SUPT16H: variants seen among roughly 807,000 people sequenced by gnomAD.
SUPT16H encodes the protein SPT16 homolog, facilitates chromatin remodeling subunit.
A neutral mutation model predicts 136.2 loss-of-function variants in SUPT16H; 24 were observed. The observed-to-expected ratio is 0.18, with a 90% confidence interval of 0.13 to 0.25. The LOEUF (loss-of-function observed/expected upper bound fraction) is 0.25, where lower values mean the gene tolerates loss of function less well. Ranked by LOEUF, SUPT16H falls within the 10% of genes least tolerant of loss-of-function variation. The pLI is 1.00. For synonymous variants in SUPT16H, 415 were observed against 428.2 expected, an observed-to-expected ratio of 0.97 and a Z score of 0.38; for missense variants, 623 against 1,270.2, an observed-to-expected ratio of 0.49 and a Z score of 7.74.
chr14:21,364,735 C>T (rs1015308445), intron 10 of SUPT16H, 92 bp downstream of exon 10: 4 of 1,065,384 alleles, frequency 3.8e-6, no homozygotes, highest in Non-Finnish European at 5.7e-6. Flanking sequence ...CCTTAGCTAG[C>T]ATTTAACAAA....
In SUPT16H at chr14:21,360,985, A is replaced by C. The variant is rs1157882994; in HGVS notation, c.1930-13T>G. 3.1e-6 allele frequency: 5 copies of C among 1,612,136 alleles called. No homozygotes were observed. Among genetic ancestry groups the C allele is most frequent in the Non-Finnish European group, 4.2e-6 (5 of 1,179,110 alleles). On this transcript the variant is annotated splice_polypyrimidine_tract_variant and intron_variant, in intron 16 of 25. Coordinates refer to ENST00000216297, the MANE Select transcript of SUPT16H (RefSeq NM_007192.4). ...GTTTTACAATCCCCTAAGCAAGAAGAAAATTAATGTGAATTGTCACATATC... is the reference window on the plus strand; with the variant it reads ...GTTTTACAATCCCCTAAGCAAGAAGCAAATTAATGTGAATTGTCACATATC...
chr14:21,369,532 T>C (rs1437659160), intron 5 of SUPT16H, 177 bp from the exon 6 acceptor site: 1 of 954,218 alleles, frequency 1.0e-6, no homozygotes, highest in Non-Finnish European at 1.5e-6. Flanking sequence ...ATGTAGGACT[T>C]ACAGCTATTC....
At position 21,353,857 on chromosome 14, in the gene SUPT16H, A is replaced by ATT. The variant is rs200648907; in HGVS notation, c.2791-27_2791-26dup. On this transcript the variant is annotated intron_variant, in intron 23 of 25. Coordinates refer to ENST00000216297, the MANE Select transcript of SUPT16H (RefSeq NM_007192.4). ...CCTGGTGAGTTAGAGCATAATACTG[A>ATT]TTTTTTTTTGACATTTACCTTATTA... is the stretch of plus-strand genomic sequence containing the variant. 3.2e-6 allele frequency: 5 copies of ATT among 1,581,234 alleles called. No individual in the cohort carries two copies. The African/African-American group carries it at 4.1e-5, about 13-fold the overall frequency.
chr14:21,352,683 T>C lies in SUPT16H; in HGVS notation c.3134A>G (p.Lys1045Arg), dbSNP rs200233088. The change falls in exon 26 of 26, where the codon AAG becomes AGG. Residue 1045 changes from lysine (K) to arginine (R), a missense_variant. Transcript: ENST00000216297. ...GCCAAAGTTCAGAAGTTACTTCCTC[T>C]TTTTCTTGGGGGGTGCAGAGCTGTG... ...SRHSSAPPKK[K>R]RK The C allele has an allele frequency of 3.7e-6, 6 of 1,613,940 alleles. No homozygotes were observed. In the African/African-American group the frequency reaches 8.0e-5, roughly 22 times the overall value.
chr14:21,357,804 CAA>C, intron 21 of SUPT16H, 121 bp downstream of exon 21: 4 of 977,160 alleles, frequency 4.1e-6, no homozygotes, highest in Non-Finnish European at 6.1e-6. Flanking sequence ...AACATTTGTT[CAA>C]TGAGTTTTAA....
chr14:21,369,867 G>T lies in SUPT16H; in HGVS notation c.513C>A (p.Thr171=), dbSNP rs754207727. 6 of 1,614,004 alleles carry T rather than the reference G, an allele frequency of 3.7e-6. No homozygotes were observed. The highest frequency in any genetic ancestry group is 5.1e-6 in the Non-Finnish European group (6 of 1,180,016). The change falls in exon 5 of 26, where the codon ACC becomes ACA. Residue 171 remains threonine, a synonymous_variant. Transcript: ENST00000216297. ...KIDISAVVAY[T]IAVKEDGELN... ...GCTCCCCATCCTCCTTTACAGCGAT[G>T]GTATATGCCACAACTGCACTGATAT...
In SUPT16H at chr14:21,361,225, C is replaced by A; in HGVS notation, c.1794-12G>T. 1 of 1,610,888 alleles carries A rather than the reference C, an allele frequency of 6.2e-7. No homozygotes were observed. Among genetic ancestry groups the A allele is most frequent in the Non-Finnish European group, 8.5e-7 (1 of 1,178,668 alleles). Reference sequence around the variant, plus strand: ...ATGCTCGGTATGTACTGCAGAAAAGCAACAGCATTTATAGACATTTCTTTT... The same window carrying A: ...ATGCTCGGTATGTACTGCAGAAAAGAAACAGCATTTATAGACATTTCTTTT... On this transcript the variant is annotated splice_polypyrimidine_tract_variant and intron_variant, in intron 15 of 25. Coordinates refer to ENST00000216297, the MANE Select transcript of SUPT16H (RefSeq NM_007192.4).
rs772319837 is a variant in SUPT16H at position 21,360,829 on chromosome 14, G to A, written c.2056+17C>T. 6.2e-7 allele frequency: 1 copy of A among 1,611,486 alleles called. No individual in the cohort carries two copies. The highest frequency in any genetic ancestry group is 1.1e-5 in the South Asian group (1 of 90,544). On this transcript the variant is annotated intron_variant, in intron 17 of 25. Coordinates refer to ENST00000216297, the MANE Select transcript of SUPT16H (RefSeq NM_007192.4). The stretch of plus-strand genomic sequence containing the variant: ...GCCCTGAAGAGAAAGCCTAGGTACA[G>A]GAGAGATCATCCATACCATTGACAT...
Position 21,362,331 on chromosome 14 carries a change from A to C in SUPT16H, c.1666-7T>G. 6.2e-7 allele frequency: 1 copy of C among 1,606,178 alleles called. No homozygotes were observed. Among genetic ancestry groups the C allele is most frequent in the Non-Finnish European group, 8.5e-7 (1 of 1,177,468 alleles). On this transcript the variant is annotated splice_region_variant and splice_polypyrimidine_tract_variant and intron_variant, in intron 14 of 25. Transcript: ENST00000216297. The stretch of plus-strand genomic sequence containing the variant: ...CCACGGACATACTTATATTCTGTTC[A>C]AAGGAAAAGCATAAAAAGTAAACAG...
rs1183653965 is a variant in SUPT16H at position 21,373,420 on chromosome 14, T to A, written c.77A>T (p.Asp26Val). 1 of 1,613,726 alleles carries A rather than the reference T, an allele frequency of 6.2e-7. No homozygotes were observed. Among genetic ancestry groups the A allele is most frequent in the Non-Finnish European group, 8.5e-7 (1 of 1,179,596 alleles). The change falls in exon 2 of 26, where the codon GAT (aspartate) becomes GTT (valine). Residue 26 changes from aspartate (D) to valine (V), a missense_variant. Around this residue, in one of 7 missense-constraint regions of SUPT16H, gnomAD observed 343 missense variants for 525.7 expected, o/e 0.65. Transcript: ENST00000216297. Reference sequence around the variant, plus strand: ...AATGGCATCAACGTTGGCATACTCATCTTCTCCTTTCTGAAAAGAGTGGGT... The same window carrying A: ...AATGGCATCAACGTTGGCATACTCAACTTCTCCTTTCTGAAAAGAGTGGGT... ...RLYSNWRKGE[D>V]EYANVDAIVV...
At chr14:21,359,218 C>A (rs1212046986) in intron 19 of SUPT16H, among the ~76,000 whole-genome samples, 1 of 152,192 alleles carries the variant, frequency 6.6e-6, no homozygotes, top group African/African-American at 2.4e-5. Context: ...CTGCCTTAGC[C>A]TCCCGACTAG....
At chr14:21,369,693 G>A (rs543930245) in intron 5 of SUPT16H, 57 bp downstream of exon 5, 61 of 1,599,368 alleles carry the variant, frequency 3.8e-5, no homozygotes, top group Non-Finnish European at 5.2e-5. Flanking sequence ...AGATTTGCAT[G>A]GTAGACTTAT....
At chr14:21,366,326 T>A (rs1309534382) in intron 8 of SUPT16H, 113 bp downstream of exon 8, 2 of 948,166 alleles carry the variant, frequency 2.1e-6, no homozygotes, top group Non-Finnish European at 3.3e-6. Flanking sequence ...TAGTATAGTT[T>A]GCTAGTCCAT....
intron 24 of SUPT16H, 55 bp from the exon 25 acceptor site, chr14:21,353,620 A>G (rs1053791370): frequency 3.7e-6 from 6 of 1,605,434 alleles, no homozygotes; most frequent in Non-Finnish European, 5.1e-6. Context: ...ATGGAACGAC[A>G]GAGTTCTTAG....
chr14:21,372,638 C>T, intron 2 of SUPT16H: 1 of 435,326 alleles, frequency 2.3e-6, no homozygotes. Context: ...GTTCTAGAAG[C>T]CATTCTGTAC....
chr14:21,370,404 T>C lies in SUPT16H; in HGVS notation c.415A>G (p.Lys139Glu). 1 of 1,613,938 alleles carries C rather than the reference T, an allele frequency of 6.2e-7. No homozygotes were observed. Among genetic ancestry groups the C allele is most frequent in the South Asian group, 1.1e-5 (1 of 91,074 alleles). Residue 139 changes from lysine to glutamate, a missense_variant, in exon 4 of 26, where the codon AAA (lysine) becomes GAA (glutamate). Lys to Glu is a moderately conservative substitution (Grantham distance 56). Transcript: ENST00000216297. ...KNGKKIGVFS[K>E]DKFPGEFMKS... ...ATGAACTCTCCAGGGAATTTGTCTT[T>C]GCTGAACACTCCAATCTTCTTGCCA...
chr14:21,369,138 G>T, intron 6 of SUPT16H, 66 bp downstream of exon 6: 1 of 1,554,910 alleles, frequency 6.4e-7, no homozygotes, highest in Non-Finnish European at 8.7e-7. Flanking sequence ...AATTTGTACA[G>T]ATTTAACAAA....
chr14:21,361,296 T>G, intron 15 of SUPT16H, 83 bp from the exon 16 acceptor site: 1 of 1,331,808 alleles, frequency 7.5e-7, no homozygotes, highest in Non-Finnish European at 1.1e-6. Context: ...TCTAAGCAGC[T>G]TAATCTCTAC....
rs1007730801 is a variant in SUPT16H, at chr14:21,383,277, T to C, written c.66+585A>G. 9 of 275,374 alleles carry C rather than the reference T, an allele frequency of 3.3e-5. No individual in the cohort carries two copies. In the Admixed American group the frequency reaches 3.5e-4, roughly 11 times the overall value. 17.1% of individuals were successfully genotyped at this position (275,374 alleles called of 1,614,324 possible). A position where few individuals can be genotyped will look rare whatever the true frequency, so the allele number is the denominator to read the frequency against. ...TTTTGTTTTGTTTTGTTATTACTAATGCCTGCAGGCTTTCAGCGTTAGGTC... is the reference window on the plus strand; with the variant it reads ...TTTTGTTTTGTTTTGTTATTACTAACGCCTGCAGGCTTTCAGCGTTAGGTC... On this transcript the variant is annotated intron_variant, in intron 1 of 25. Coordinates refer to ENST00000216297, the MANE Select transcript of SUPT16H (RefSeq NM_007192.4).
Sources: allele counts gnomAD v4.1 joint callset (sites outside exome capture counted in the v4.1 genomes callset), GRCh38; gene constraint gnomAD v4.1.1; regional missense constraint gnomAD v4.1.1; transcripts MANE v1.5; gene names NCBI Gene and HGNC (gene_info 2026-07-23, HGNC 2026-07-21).